The following MTMR12 variants were observed in gnomAD, a reference collection of about 807,000 sequenced individuals.
MTMR12 encodes the protein myotubularin related protein 12, also known as myotubularin-related protein 12.
A neutral mutation model predicts 96.7 loss-of-function variants in MTMR12; 33 were observed. The ratio of observed to expected loss-of-function variants is 0.34; its 90% CI spans 0.26 to 0.46. The LOEUF (loss-of-function observed/expected upper bound fraction) is 0.46. Ranked by LOEUF, MTMR12 falls within the 20% of genes least tolerant of loss-of-function variation. The pLI is 1.00. For synonymous variants in MTMR12, 298 were observed against 327.2 expected (o/e 0.91, Z 0.96); for missense variants, 721 against 896.1 (o/e 0.80, Z 2.49).
chr5:32,287,487 T>A (rs941337817), intron 1 of MTMR12, among the ~76,000 whole-genome samples: 17 of 152,234 alleles, frequency 1.1e-4, no homozygotes, highest in African/African-American at 4.1e-4. Context: ...GACAGACTAC[T>A]GTGGGAACTT....
chr5:32,311,283 G>C (rs978612037), intron 1 of MTMR12, among the ~76,000 whole-genome samples: 5 of 152,132 alleles, frequency 3.3e-5, no homozygotes, highest in African/African-American at 1.2e-4. Flanking sequence ...ATACCACAAG[G>C]GAAGCCCGCT....
At chr5:32,303,071 T>G (rs1227674912) in intron 1 of MTMR12, among the ~76,000 whole-genome samples, 1 of 152,190 alleles carries the variant, frequency 6.6e-6, no homozygotes, top group Admixed American at 6.5e-5. Context: ...TCTGAAGCCA[T>G]CCAAGTGGCT....
chr5:32,269,511 G>C (rs1362521900), intron 5 of MTMR12, among the ~76,000 whole-genome samples: 2 of 152,052 alleles, frequency 1.3e-5, no homozygotes, highest in East Asian at 1.9e-4. Context: ...CGCCATGTTG[G>C]TCAGGCTGGT....
Position 32,273,977 on chromosome 5 carries a change from T to C in MTMR12, c.285+3A>G. On this transcript the variant is annotated splice_donor_region_variant and intron_variant, in intron 3 of 15. Coordinates refer to ENST00000382142, the MANE Select transcript of MTMR12 (RefSeq NM_001040446.3). ...AACTCTGCCAAATGCAGCCCATACA[T>C]ACATCATTATCCAATGCAGATTCAT... 12 of 1,614,088 alleles carry C rather than the reference T, an allele frequency of 7.4e-6. No individual in the cohort carries two copies. The highest frequency in any genetic ancestry group is 1.0e-5 in the Non-Finnish European group (12 of 1,180,000).
rs770916578 is a variant in MTMR12, at chr5:32,263,192, A to T, written c.634T>A (p.Cys212Ser). ...TVMFDTLKDW[C>S]WELERTKGNM... ...CCTTTGGTCCGTTCCAGTTCCCAAC[A>T]CCAGTCCTTAAGTGTGTCAAACATT... The change falls in exon 7 of 16, where the codon TGT becomes AGT. Residue 212 changes from cysteine (C) to serine (S), a missense_variant. Coordinates refer to ENST00000382142, the MANE Select transcript of MTMR12 (RefSeq NM_001040446.3). 40 of 1,614,186 alleles carry T rather than the reference A, an allele frequency of 2.5e-5. No homozygotes were observed. The highest frequency in any genetic ancestry group is 3.4e-5 in the Non-Finnish European group (40 of 1,180,032).
rs150274449 is a variant in MTMR12 at position 32,235,938 on chromosome 5, T to C, written c.1345-809A>G. Among the ~76,000 whole-genome samples, 273 of 152,332 alleles carry C rather than the reference T, an allele frequency of 1.8e-3. 1 individual carries two copies. The highest frequency in any genetic ancestry group is 6.4e-3 in the African/African-American group (265 of 41,572). On this transcript the variant is annotated intron_variant, in intron 13 of 15. Transcript: ENST00000382142. The stretch of plus-strand genomic sequence containing the variant: ...GAGGAAAGGGAAGATTGGAGATGCC[T>C]GGAGGCCGGTCCCCAGGGTCTCACA...
intron 10 of MTMR12, among the ~76,000 whole-genome samples, chr5:32,246,175 T>TTTTTTTTG (rs1561751730): frequency 6.8e-6 from 1 of 146,648 alleles, no homozygotes. Flanking sequence ...AGACAGTTTT[T>TTTTTTTTG]TTTTTTTTTG....
chr5:32,281,156 G>A (rs557496485), intron 1 of MTMR12, among the ~76,000 whole-genome samples: 1 of 148,424 alleles, frequency 6.7e-6, no homozygotes, highest in African/African-American at 2.5e-5. Flanking sequence ...GCTGAGGCAC[G>A]AAAATAGCTT....
chr5:32,248,387 A>T (rs561283527), intron 9 of MTMR12, among the ~76,000 whole-genome samples: 24 of 152,258 alleles, frequency 1.6e-4, no homozygotes, highest in African/African-American at 5.3e-4. Context: ...TGTAACTCTG[A>T]GTCTATTCCT....
intron 8 of MTMR12, 117 bp downstream of exon 8, chr5:32,255,576 T>G: frequency 1.1e-6 from 1 of 933,770 alleles, no homozygotes; most frequent in Admixed American, 3.0e-5. Flanking sequence ...TATTTCTGGA[T>G]TGTTCTTGGA....
chr5:32,229,999 G>T lies in MTMR12; in HGVS notation c.2023C>A (p.Gln675Lys). The T allele has an allele frequency of 6.2e-7, 1 of 1,613,272 alleles. No individual in the cohort carries two copies. Among genetic ancestry groups the T allele is most frequent in the Non-Finnish European group, 8.5e-7 (1 of 1,179,312 alleles). Residue 675 changes from glutamine to lysine, a missense_variant, in exon 16 of 16, where the codon CAA becomes AAA. Gln to Lys is a moderately conservative substitution (Grantham distance 53). Coordinates refer to ENST00000382142, the MANE Select transcript of MTMR12 (RefSeq NM_001040446.3). ...LEMMEEVQSL[Q>K]EKIDERHHSQ... ...TGGTGTCTCTCGTCGATCTTCTCTT[G>T]TAAACTCTGGACTTCCTCCATCATT...
chr5:32,243,606 A>G lies in MTMR12; in HGVS notation c.1022-7T>C. On this transcript the variant is annotated splice_region_variant and splice_polypyrimidine_tract_variant and intron_variant, in intron 10 of 15. Coordinates refer to ENST00000382142, the MANE Select transcript of MTMR12 (RefSeq NM_001040446.3). ...CAAAATTCAGTACTGTTATCTGAAA[A>G]AAGAAAAAGGAGTAAAGACGTCAGG... 3 of 1,580,810 alleles carry G rather than the reference A, an allele frequency of 1.9e-6. No individual in the cohort carries two copies. The South Asian group carries it at 3.3e-5, about 18-fold the overall frequency.
At chr5:32,251,173 A>C (rs1006746786) in intron 8 of MTMR12, among the ~76,000 whole-genome samples, 1 of 148,260 alleles carries the variant, frequency 6.7e-6, no homozygotes, top group Non-Finnish European at 1.5e-5. Context: ...CTCCTGCCTC[A>C]GCCTCCCGAG....
At chr5:32,285,705 G>T (rs776214159) in intron 1 of MTMR12, among the ~76,000 whole-genome samples, 1 of 152,100 alleles carries the variant, frequency 6.6e-6, no homozygotes, top group Non-Finnish European at 1.5e-5. Context: ...CCCATGCTGA[G>T]CCAGAAGCAC....
At position 32,252,471 on chromosome 5, in the gene MTMR12, C is replaced by T. The variant is rs981773019; in HGVS notation, c.789+3222G>A. ...CTTCCTATGCACCTACTGCAAATTA[C>T]CTGTTACTATTGATTTGAGTGCTTA... On this transcript the variant is annotated intron_variant, in intron 8 of 15. Transcript: ENST00000382142. 3.3e-5 allele frequency among the ~76,000 whole-genome samples: 5 copies of T among 152,194 alleles called. No individual in the cohort carries two copies. The South Asian group carries it at 1.0e-3, about 31-fold the overall frequency.
chr5:32,281,242 T>C (rs1478555572), intron 1 of MTMR12, among the ~76,000 whole-genome samples: 1 of 132,464 alleles, frequency 7.5e-6, no homozygotes, highest in South Asian at 2.6e-4. Context: ...AAGGAGACTC[T>C]ATCATTAAAA....
chr5:32,296,064 C>A (rs1750909994), intron 1 of MTMR12, among the ~76,000 whole-genome samples: 1 of 152,014 alleles, frequency 6.6e-6, no homozygotes, highest in Non-Finnish European at 1.5e-5. Flanking sequence ...GAGGCTGAGG[C>A]AGGAGAATTG....
intron 12 of MTMR12, among the ~76,000 whole-genome samples, chr5:32,239,676 C>A (rs1422837454): frequency 6.6e-6 from 1 of 152,224 alleles, no homozygotes; most frequent in Non-Finnish European, 1.5e-5. Flanking sequence ...ATCCCTTCCT[C>A]CACTCCTAAG....
chr5:32,281,265 C>CAAAAAAAAAAAAAAAAAAAAAAAAAA, intron 1 of MTMR12, among the ~76,000 whole-genome samples: 1 of 132,638 alleles, frequency 7.5e-6, no homozygotes, highest in Non-Finnish European at 1.6e-5. Flanking sequence ...AAAAAAAAAA[C>CAAAAAAAAAAAAAAAAAAAAAAAAAA]AAAAAAAACT....
Sources: gnomAD v4.1 joint callset for allele counts (sites outside exome capture counted in the v4.1 genomes callset) on GRCh38, gnomAD v4.1.1 for gene constraint, MANE v1.5 for transcripts, NCBI Gene and HGNC (gene_info 2026-07-23, HGNC 2026-07-21) for gene names.